The following ZRANB3 variants were observed in gnomAD, a reference collection of about 807,000 sequenced individuals.
The protein encoded by ZRANB3 is zinc finger RANBP2-type containing 3.
In ZRANB3, 125 loss-of-function variants were observed where a neutral mutation model predicts 133.8. The observed-to-expected ratio is 0.93, with a 90% confidence interval of 0.81 to 1.08. The LOEUF (loss-of-function observed/expected upper bound fraction) is 1.08. Ranked by LOEUF, ZRANB3 falls within the 50% of genes least tolerant of loss-of-function variation. The probability of loss-of-function intolerance (pLI) is 0.00; values close to 1 mark genes in which losing one functional copy is unlikely to be tolerated. For missense variants in ZRANB3, 1,229 were observed against 1,275.5 expected (o/e 0.96, Z 0.56); for synonymous variants, 387 against 432.7 (o/e 0.89, Z 1.31).
intron 2 of ZRANB3, among the ~76,000 whole-genome samples, chr2:135,431,075 G>A (rs1315771854): frequency 1.3e-5 from 2 of 151,224 alleles, no homozygotes; most frequent in Non-Finnish European, 2.9e-5. Context: ...AGGAGCTTGA[G>A]GCCAGCCTCA....
intron 8 of ZRANB3, among the ~76,000 whole-genome samples, chr2:135,298,280 T>C (rs1041303481): frequency 6.6e-6 from 1 of 152,190 alleles, no homozygotes. Context: ...TGATGCCTCC[T>C]TGAGTAGCTT....
At chr2:135,311,760 T>A (rs530932462) in intron 8 of ZRANB3, among the ~76,000 whole-genome samples, 3 of 151,964 alleles carry the variant, frequency 2.0e-5, no homozygotes, top group South Asian at 2.1e-4. Context: ...TCAAAAAAAA[T>A]TTTTTTAAAG....
chr2:135,258,882 T>G (rs547900368), intron 12 of ZRANB3, among the ~76,000 whole-genome samples: 1 of 152,368 alleles, frequency 6.6e-6, no homozygotes, highest in East Asian at 1.9e-4. Flanking sequence ...TGTTACCATG[T>G]ATTCAACTGG....
chr2:135,201,341 G>A (rs911230125), intron 20 of ZRANB3, among the ~76,000 whole-genome samples: 9 of 151,986 alleles, frequency 5.9e-5, no homozygotes, highest in African/African-American at 1.9e-4. Flanking sequence ...TGTTCCAGGC[G>A]GAAACAGTAA....
intron 2 of ZRANB3, among the ~76,000 whole-genome samples, chr2:135,429,859 A>T (rs1184722456): frequency 6.6e-6 from 1 of 152,224 alleles, no homozygotes; most frequent in Non-Finnish European, 1.5e-5. Flanking sequence ...AGTAAAGTTG[A>T]TAATGAAATG....
At chr2:135,493,098 AATATATATATAT>A (rs66481237) in intron 2 of ZRANB3, among the ~76,000 whole-genome samples, 2 of 57,526 alleles carry the variant, frequency 3.5e-5, no homozygotes, top group Admixed American at 3.9e-4. Context: ...GATGATACCA[AATATATATATAT>A]ATATATATAT....
intron 12 of ZRANB3, among the ~76,000 whole-genome samples, chr2:135,231,832 C>T (rs1378749669): frequency 2.0e-5 from 3 of 151,840 alleles, no homozygotes; most frequent in East Asian, 1.9e-4. Context: ...CCAAGATGGC[C>T]GAATAGGAAC....
At chr2:135,280,882 T>C (rs1021441155) in intron 8 of ZRANB3, among the ~76,000 whole-genome samples, 1 of 152,228 alleles carries the variant, frequency 6.6e-6, no homozygotes, top group Non-Finnish European at 1.5e-5. Flanking sequence ...GTGTCCATCC[T>C]GTCCTTGCCA....
chr2:135,417,304 A>G (rs1688630998), intron 2 of ZRANB3, among the ~76,000 whole-genome samples: 1 of 152,152 alleles, frequency 6.6e-6, no homozygotes, highest in Admixed American at 6.6e-5. Flanking sequence ...GGCAAAGGAT[A>G]TGAACAGACA....
chr2:135,409,039 T>C (rs182687014), intron 2 of ZRANB3, among the ~76,000 whole-genome samples: 1 of 152,246 alleles, frequency 6.6e-6, no homozygotes, highest in East Asian at 1.9e-4. Flanking sequence ...AGTTGGCTCA[T>C]GGTTCTGCAG....
intron 19 of ZRANB3, among the ~76,000 whole-genome samples, chr2:135,205,384 CT>C (rs1693815765): frequency 1.3e-5 from 2 of 152,222 alleles, no homozygotes; most frequent in Admixed American, 1.3e-4. Flanking sequence ...ATCCTCCTAT[CT>C]CAGCCAACCA....
At chr2:135,507,905 A>G (rs1241984246) in intron 1 of ZRANB3, among the ~76,000 whole-genome samples, 5 of 152,052 alleles carry the variant, frequency 3.3e-5, no homozygotes. Context: ...TTGTCACTGC[A>G]CTCCAGCATG....
Position 135,401,531 on chromosome 2 carries a change from T to G in ZRANB3, c.162-10711A>C, listed in dbSNP as rs541509636. 7.2e-5 allele frequency among the ~76,000 whole-genome samples: 11 copies of G among 152,278 alleles called. No individual in the cohort carries two copies. The South Asian group carries it at 2.3e-3, about 32-fold the overall frequency. Reference sequence around the variant, plus strand: ...ACTAAACCTCTCCTTTTCCAATCTCTTTTTCAACTAGCTGTGGTTATATGA... The same window carrying G: ...ACTAAACCTCTCCTTTTCCAATCTCGTTTTCAACTAGCTGTGGTTATATGA... On this transcript the variant is annotated intron_variant, in intron 2 of 20. Coordinates refer to ENST00000264159, the MANE Select transcript of ZRANB3 (RefSeq NM_032143.4).
Position 135,423,787 on chromosome 2 carries a change from T to C in ZRANB3, c.162-32967A>G, listed in dbSNP as rs369288092. Among the ~76,000 whole-genome samples, 27 of 152,340 alleles carry C rather than the reference T, an allele frequency of 1.8e-4. No homozygotes were observed. In the East Asian group the frequency reaches 3.7e-3, roughly 21 times the overall value. On this transcript the variant is annotated intron_variant, in intron 2 of 20. Transcript: ENST00000264159. The stretch of plus-strand genomic sequence containing the variant: ...GAAAACCAACAGCTAGTTTTATATT[T>C]TTCAGGTAAAGGTCTGAAAGTATCT...
At chr2:135,330,755 A>G (rs973995488) in intron 6 of ZRANB3, among the ~76,000 whole-genome samples, 2 of 152,090 alleles carry the variant, frequency 1.3e-5, no homozygotes, top group Admixed American at 6.6e-5. Flanking sequence ...CAGAGATTCA[A>G]CTTCTTCCTG....
chr2:135,350,252 A>G, intron 4 of ZRANB3, 37 bp from the exon 5 acceptor site: 1 of 1,450,060 alleles, frequency 6.9e-7, no homozygotes, highest in Non-Finnish European at 9.4e-7. Context: ...AAAATATCTC[A>G]GTAATGACGT....
chr2:135,263,678 T>G (rs1222970904), intron 12 of ZRANB3, among the ~76,000 whole-genome samples: 1 of 152,168 alleles, frequency 6.6e-6, no homozygotes, highest in East Asian at 1.9e-4. Context: ...AGGAGCCAGT[T>G]TAAAGGAGCT....
Position 135,222,472 on chromosome 2 carries a change from T to G in ZRANB3, c.2250+1954A>C, listed in dbSNP as rs1158620847. Among the ~76,000 whole-genome samples the G allele has an allele frequency of 2.0e-5, 3 of 152,178 alleles. No individual in the cohort carries two copies. The East Asian group carries it at 5.8e-4, about 29-fold the overall frequency. ...ATTCATAATCTATCCAGGCCATAGA[T>G]TCTCACATGGTTCCTGTGATCCTTT... On this transcript the variant is annotated intron_variant, in intron 15 of 20. Coordinates refer to ENST00000264159, the MANE Select transcript of ZRANB3 (RefSeq NM_032143.4).
intron 1 of ZRANB3, among the ~76,000 whole-genome samples, chr2:135,515,294 A>G (rs1693653866): frequency 6.6e-6 from 1 of 151,922 alleles, no homozygotes; most frequent in Admixed American, 6.6e-5. Context: ...TAGGCTATTA[A>G]TAGTTCTCTA....
Sources: allele counts gnomAD v4.1 joint callset (sites outside exome capture counted in the v4.1 genomes callset), GRCh38; gene constraint gnomAD v4.1.1; transcripts MANE v1.5; gene names NCBI Gene and HGNC (gene_info 2026-07-23, HGNC 2026-07-21).